SNX7: variants seen among roughly 807,000 people sequenced by gnomAD.
SNX7 encodes the protein sorting nexin 7.
A neutral mutation model predicts 48.4 loss-of-function variants in SNX7; 35 were observed. The ratio of observed to expected loss-of-function variants is 0.72; its 90% CI spans 0.55 to 0.96. The LOEUF (loss-of-function observed/expected upper bound fraction) is 0.96. SNX7 is among the 40% of genes least tolerant of loss of function. The pLI, the probability that SNX7 is intolerant of heterozygous loss-of-function variation, is 0.00. For missense variants in SNX7, 553 were observed against 548.9 expected, an observed-to-expected ratio of 1.01 and a Z score of -0.07; for synonymous variants, 190 against 190.2, an observed-to-expected ratio of 1.00 and a Z score of 0.01.
Position 98,701,848 on chromosome 1 carries a change from C to G in SNX7, c.1070C>G (p.Ala357Gly). Residue 357 changes from alanine to glycine, a missense_variant, in exon 7 of 9, where the codon GCA becomes GGA. Transcript: ENST00000306121. The stretch of plus-strand genomic sequence containing the variant: ...ATGAAAAGAAGAGACCAAATACAAG[C>G]AGAACTGGATTCCAAAGTTGAAGTT... ...GVMKRRDQIQ[A>G]ELDSKVEVLT... The G allele has an allele frequency of 6.2e-7, 1 of 1,610,736 alleles. No individual in the cohort carries two copies. Among genetic ancestry groups the G allele is most frequent in the Non-Finnish European group, 8.5e-7 (1 of 1,178,294 alleles).
chr1:98,687,051 T>C (rs1476476607), intron 2 of SNX7, among the ~76,000 whole-genome samples: 1 of 152,152 alleles, frequency 6.6e-6, no homozygotes, highest in Non-Finnish European at 1.5e-5. Context: ...AATAATAATA[T>C]GAAAATATAT....
intron 1 of SNX7, among the ~76,000 whole-genome samples, chr1:98,677,057 A>G (rs1166271816): frequency 6.6e-6 from 1 of 152,234 alleles, no homozygotes; most frequent in Non-Finnish European, 1.5e-5. Context: ...CAACATCTGT[A>G]TCACTACTTT....
intron 7 of SNX7, among the ~76,000 whole-genome samples, chr1:98,711,676 T>C (rs1329711886): frequency 6.6e-6 from 1 of 152,234 alleles, no homozygotes; most frequent in Non-Finnish European, 1.5e-5. Flanking sequence ...TCCTTTATGT[T>C]GATGGCTGCT....
intron 5 of SNX7, among the ~76,000 whole-genome samples, chr1:98,698,094 T>C (rs1258513044): frequency 6.6e-6 from 1 of 152,178 alleles, no homozygotes; most frequent in Non-Finnish European, 1.5e-5. Flanking sequence ...TCAATGTTTC[T>C]ATACTCTGAT....
intron 5 of SNX7, among the ~76,000 whole-genome samples, chr1:98,696,228 G>A (rs1200395209): frequency 6.7e-5 from 10 of 149,910 alleles, no homozygotes; most frequent in East Asian, 2.0e-4. Flanking sequence ...TTCTAATCAC[G>A]TGATGATTTT....
intron 1 of SNX7, among the ~76,000 whole-genome samples, chr1:98,669,397 T>G (rs1649723501): frequency 6.6e-6 from 1 of 152,232 alleles, no homozygotes; most frequent in African/African-American, 2.4e-5. Context: ...CCCCATTCTA[T>G]GTGTTCCCAG....
chr1:98,722,350 A>G (rs749992940), intron 7 of SNX7, among the ~76,000 whole-genome samples: 11 of 152,152 alleles, frequency 7.2e-5, no homozygotes, highest in Non-Finnish European at 1.5e-4. Flanking sequence ...TCAAGCATCT[A>G]ATTTCTTTAG....
chr1:98,667,010 C>T (rs1457690629), intron 1 of SNX7, among the ~76,000 whole-genome samples: 1 of 152,172 alleles, frequency 6.6e-6, no homozygotes, highest in African/African-American at 2.4e-5. Flanking sequence ...CATTCATGTG[C>T]CCTCAGCCAT....
chr1:98,683,485 C>G (rs1221182569), intron 1 of SNX7, among the ~76,000 whole-genome samples: 2 of 151,966 alleles, frequency 1.3e-5, no homozygotes, highest in African/African-American at 4.8e-5. Flanking sequence ...GGAGGTGGAG[C>G]CTTTGGGTGG....
At chr1:98,663,878 A>G (rs1169682854) in intron 1 of SNX7, among the ~76,000 whole-genome samples, 2 of 152,238 alleles carry the variant, frequency 1.3e-5, no homozygotes, top group South Asian at 2.1e-4. Context: ...AACTGCCCAC[A>G]TAGATTAAGG....
intron 7 of SNX7, among the ~76,000 whole-genome samples, chr1:98,705,489 T>C (rs1012780751): frequency 3.9e-5 from 6 of 152,196 alleles, no homozygotes. Flanking sequence ...GCAAATAAAT[T>C]GCTTGGATCA....
chr1:98,727,038 G>A (rs71659110), intron 7 of SNX7, among the ~76,000 whole-genome samples: 2,589 of 152,194 alleles, frequency 0.017, 35 homozygotes, highest in South Asian at 0.05. Flanking sequence ...GTGAAACCCC[G>A]TCTCTGCTAA....
intron 7 of SNX7, among the ~76,000 whole-genome samples, chr1:98,721,048 C>T (rs1421937194): frequency 6.6e-6 from 1 of 151,872 alleles, no homozygotes; most frequent in Admixed American, 6.6e-5. Context: ...AGCACATCTC[C>T]CAATAGATGT....
At chr1:98,714,827 G>A (rs1652503793) in intron 7 of SNX7, among the ~76,000 whole-genome samples, 1 of 152,176 alleles carries the variant, frequency 6.6e-6, no homozygotes, top group African/African-American at 2.4e-5. Context: ...TAGGCCTTGA[G>A]TTTTCTTCTG....
intron 1 of SNX7, among the ~76,000 whole-genome samples, chr1:98,679,746 A>C (rs1650375323): frequency 6.6e-6 from 1 of 152,220 alleles, no homozygotes; most frequent in Non-Finnish European, 1.5e-5. Flanking sequence ...CATGTCTCAC[A>C]TACAGGTCAC....
At position 98,698,726 on chromosome 1, in the gene SNX7, G is replaced by A; in HGVS notation, c.859G>A (p.Glu287Lys). The A allele has an allele frequency of 6.2e-7, 1 of 1,605,982 alleles. No individual in the cohort carries two copies. The highest frequency in any genetic ancestry group is 1.1e-5 in the South Asian group (1 of 90,326). Residue 287 changes from glutamate to lysine, a missense_variant, in exon 6 of 9, where the codon GAA becomes AAA. Coordinates refer to ENST00000306121, the MANE Select transcript of SNX7 (RefSeq NM_015976.5). ...EEREYFDEMKEYGPIHILWSA... is the reference protein window; with the variant it reads ...EEREYFDEMKKYGPIHILWSA... The stretch of plus-strand genomic sequence containing the variant: ...TTTAGAATATTTTGATGAAATGAAA[G>A]AATATGGCCCAATTCATATTCTGTG...
At position 98,756,982 on chromosome 1, in the gene SNX7, T is replaced by C. The variant is rs12402222; in HGVS notation, c.1279-3072T>C. Among the ~76,000 whole-genome samples, 1,258 of 152,200 alleles carry C rather than the reference T, an allele frequency of 8.3e-3. 56 individuals carry two copies. Among genetic ancestry groups the C allele is most frequent in the Admixed American group, 0.072 (1,101 of 15,268 alleles). On this transcript the variant is annotated intron_variant, in intron 8 of 8. Transcript: ENST00000306121. ...ATGTCTTGGACCATCCCTTTGGTGA[T>C]AAGTGAGTGCTTGCTCTGAGTTCAC...
At chr1:98,744,585 A>G (rs555349830) in intron 8 of SNX7, among the ~76,000 whole-genome samples, 14 of 152,200 alleles carry the variant, frequency 9.2e-5, no homozygotes, top group African/African-American at 3.1e-4. Context: ...ATAAAAATGA[A>G]TTGCTAGTGG....
intron 7 of SNX7, among the ~76,000 whole-genome samples, chr1:98,720,568 A>AT: frequency 6.6e-6 from 1 of 152,032 alleles, no homozygotes; most frequent in Non-Finnish European, 1.5e-5. Context: ...CATGATCACA[A>AT]CTTTCTAGAG....
Sources: gnomAD v4.1 joint callset for allele counts (sites outside exome capture counted in the v4.1 genomes callset) on GRCh38, gnomAD v4.1.1 for gene constraint, MANE v1.5 for transcripts, NCBI Gene and HGNC (gene_info 2026-07-23, HGNC 2026-07-21) for gene names.